Variants in MTFR1L observed in about 807,000 individuals in gnomAD.
MTFR1L encodes the protein mitochondrial fission regulator 1-like.
Under a neutral mutation model 27.9 loss-of-function variants are expected in MTFR1L, and 10 were observed. The ratio of observed to expected loss-of-function variants is 0.36; its 90% CI spans 0.22 to 0.61. The LOEUF (loss-of-function observed/expected upper bound fraction) is 0.61. Among genes scored for constraint, MTFR1L ranks in the 20% least tolerant of loss-of-function variants. MTFR1L has a pLI of 0.73. For synonymous variants in MTFR1L, 151 were observed against 139.4 expected, an observed-to-expected ratio of 1.08 and a Z score of -0.58; for missense variants, 315 against 363.7, an observed-to-expected ratio of 0.87 and a Z score of 1.09.
intron 5 of MTFR1L, among the ~76,000 whole-genome samples, chr1:25,828,554 C>T (rs562464553): frequency 1.3e-5 from 2 of 150,034 alleles, no homozygotes; most frequent in South Asian, 2.1e-4. Context: ...AGTGAGACTC[C>T]GTCTCAAAAA....
intron 3 of MTFR1L, among the ~76,000 whole-genome samples, chr1:25,824,650 G>A (rs1345623482): frequency 6.6e-6 from 1 of 152,174 alleles, no homozygotes; most frequent in East Asian, 1.9e-4. Context: ...GGTCAGGAAT[G>A]GAGTTGGAAG....
Position 25,829,574 on chromosome 1 carries a change from TG to T in MTFR1L, c.518del (p.Cys173PhefsTer70). On this transcript the variant is annotated frameshift_variant, in exon 6 of 7. Coordinates refer to ENST00000374303, the MANE Select transcript of MTFR1L (RefSeq NM_001099625.2). LOFTEE classifies it high-confidence loss of function. ...TTCAAATGTCTCTTCTCCCTTACCT[TG>T]TTTTGGATCCTCATTCCACTCTACA... ...GSSNVSSPLP[C>X]FGSSFHSTTS... The T allele has an allele frequency of 6.2e-7, 1 of 1,614,190 alleles. No homozygotes were observed. The highest frequency in any genetic ancestry group is 8.5e-7 in the Non-Finnish European group (1 of 1,180,020).
rs765615031 is a variant in MTFR1L at position 25,826,303 on chromosome 1, C to A, written c.131C>A (p.Thr44Asn). 8.1e-6 allele frequency: 13 copies of A among 1,613,882 alleles called. No individual in the cohort carries two copies. Among genetic ancestry groups the A allele is most frequent in the African/African-American group, 1.3e-5 (1 of 74,914 alleles). The change falls in exon 4 of 7, where the codon ACC becomes AAC. Residue 44 changes from threonine to asparagine, a missense_variant and splice_region_variant. Coordinates refer to ENST00000374303, the MANE Select transcript of MTFR1L (RefSeq NM_001099625.2). This position sits in a 1 kb window ranked among gnomAD's most constrained non-coding sequence, Gnocchi z 4.1. ...TTGATGACTTTTGCTTCTCCATAGA[C>A]CCTGCCCAACATCTCTGACCTGTGT... ...LKPCARASFE[T>N]LPNISDLCLR... is the part of the protein sequence containing the mutation.
chr1:25,826,276 T>C lies in MTFR1L; in HGVS notation c.130-26T>C. ...ATTGGCTCATCATGGCATCTGTAAA[T>C]GTTGATGACTTTTGCTTCTCCATAG... On this transcript the variant is annotated intron_variant, in intron 3 of 6. Transcript: ENST00000374303. This position sits in a 1 kb window ranked among gnomAD's most constrained non-coding sequence, Gnocchi z 4.1. 2 of 1,600,856 alleles carry C rather than the reference T, an allele frequency of 1.2e-6. No homozygotes were observed. Among genetic ancestry groups the C allele is most frequent in the Non-Finnish European group, 8.6e-7 (1 of 1,168,350 alleles).
At chr1:25,827,355 T>C (rs2048182005) in intron 5 of MTFR1L, among the ~76,000 whole-genome samples, 1 of 151,832 alleles carries the variant, frequency 6.6e-6, no homozygotes, top group African/African-American at 2.4e-5. Context: ...AGGCTGGTCT[T>C]GTATTCCTGA....
In MTFR1L at chr1:25,820,009, G is replaced by C. The variant is rs779591501; in HGVS notation, c.-107G>C. Reference sequence around the variant, plus strand: ...GAAGGAGGGGCCGTGAGGTGAGAGAGTCCGGGAGCCCGAGCTTGAGGTGAG... The same window carrying C: ...GAAGGAGGGGCCGTGAGGTGAGAGACTCCGGGAGCCCGAGCTTGAGGTGAG... On this transcript the variant is annotated 5_prime_UTR_variant, in exon 1 of 7. Coordinates refer to ENST00000374303, the MANE Select transcript of MTFR1L (RefSeq NM_001099625.2). 19 of 351,874 alleles carry C rather than the reference G, an allele frequency of 5.4e-5. No individual in the cohort carries two copies. The highest frequency in any genetic ancestry group is 8.8e-5 in the Non-Finnish European group (16 of 182,232). 21.8% of individuals were successfully genotyped at this position (351,874 alleles called of 1,614,324 possible).
intron 1 of MTFR1L, among the ~76,000 whole-genome samples, chr1:25,821,334 C>T (rs771022414): frequency 2.0e-5 from 3 of 152,208 alleles, no homozygotes; most frequent in African/African-American, 7.2e-5. Flanking sequence ...CACGGACATT[C>T]AGCACAGAGC....
Position 25,826,898 on chromosome 1 carries a change from G to A in MTFR1L, c.451+72G>A. On this transcript the variant is annotated intron_variant, in intron 5 of 6. Transcript: ENST00000374303. This position sits in a 1 kb window ranked among gnomAD's most constrained non-coding sequence, Gnocchi z 4.1. ...CCCCTGGCTCTTGGGCAGGATAGGG[G>A]TAAAGAAAGTGGTAATCCTTGGTTT... The A allele has an allele frequency of 6.6e-7, 1 of 1,516,070 alleles. No homozygotes were observed. Among genetic ancestry groups the A allele is most frequent in the East Asian group, 2.4e-5 (1 of 41,912 alleles). 93.9% of individuals were successfully genotyped at this position (1,516,070 alleles called of 1,614,324 possible). A position where few individuals can be genotyped will look rare whatever the true frequency, so the allele number is the denominator to read the frequency against.
chr1:25,828,352 G>A (rs1390543551), intron 5 of MTFR1L, among the ~76,000 whole-genome samples: 4 of 152,234 alleles, frequency 2.6e-5, no homozygotes, highest in African/African-American at 9.6e-5. Flanking sequence ...GAAGGCTGAG[G>A]TGGGTGGATC....
chr1:25,820,847 G>T (rs2048081108), intron 1 of MTFR1L: 2 of 383,488 alleles, frequency 5.2e-6, no homozygotes, highest in African/African-American at 2.3e-5. Flanking sequence ...AGTTCCTCTC[G>T]CGAGGACTCC....
chr1:25,826,195 C>A lies in MTFR1L; in HGVS notation c.130-107C>A. 1 of 893,072 alleles carries A rather than the reference C, an allele frequency of 1.1e-6. No individual in the cohort carries two copies. The highest frequency in any genetic ancestry group is 1.8e-6 in the Non-Finnish European group (1 of 566,532). 55.3% of individuals were successfully genotyped at this position (893,072 alleles called of 1,614,324 possible). A position where few individuals can be genotyped will look rare whatever the true frequency, so the allele number is the denominator to read the frequency against. On this transcript the variant is annotated intron_variant, in intron 3 of 6. Transcript: ENST00000374303. The surrounding 1 kb of genome is among the most constrained non-coding windows in gnomAD (Gnocchi z 4.1). ...CCTTCTTCTGCCCCCTCTAGGAAGC[C>A]TTCCTGACACCCAGTGCCGGATTAG... is the stretch of plus-strand genomic sequence containing the variant.
Position 25,832,236 on chromosome 1 carries a change from G to A in MTFR1L, c.*210G>A. The A allele has an allele frequency of 2.2e-6, 3 of 1,386,596 alleles. No individual in the cohort carries two copies. The highest frequency in any genetic ancestry group is 3.0e-6 in the Non-Finnish European group (3 of 1,013,352). The allele number at this position is 1,386,596 out of a possible 1,614,324, so 85.9% of individuals were successfully genotyped here. On this transcript the variant is annotated 3_prime_UTR_variant, in exon 7 of 7. Transcript: ENST00000374303. ...AGCTAAGGCTTGTGATTTGACCTGA[G>A]ACATTTGTTTCAGGTAATCGTGTAG...
rs78935973 is a variant in MTFR1L at position 25,828,304 on chromosome 1, C to T, written c.452-1205C>T. On this transcript the variant is annotated intron_variant, in intron 5 of 6. Coordinates refer to ENST00000374303, the MANE Select transcript of MTFR1L (RefSeq NM_001099625.2). Reference sequence around the variant, plus strand: ...GATCTTGGCCTTAAAATACAGTGGTCGGGCACTGTGGCTTACGCCTGTAAT... The same window carrying T: ...GATCTTGGCCTTAAAATACAGTGGTTGGGCACTGTGGCTTACGCCTGTAAT... 8.7e-4 allele frequency among the ~76,000 whole-genome samples: 133 copies of T among 152,278 alleles called. 1 individual carries two copies. The East Asian group carries it at 0.017, about 19-fold the overall frequency.
In MTFR1L at chr1:25,829,500, C is replaced by G; in HGVS notation, c.452-9C>G. 3 of 1,610,776 alleles carry G rather than the reference C, an allele frequency of 1.9e-6. No individual in the cohort carries two copies. The highest frequency in any genetic ancestry group is 2.5e-6 in the Non-Finnish European group (3 of 1,177,936). On this transcript the variant is annotated splice_polypyrimidine_tract_variant and intron_variant, in intron 5 of 6. Transcript: ENST00000374303. ...AATGTCCACCCATGCCTATTGTTTT[C>G]TCTTTCAGCTTCGGCTTCATTAACG... is the stretch of plus-strand genomic sequence containing the variant.
chr1:25,830,338 C>T (rs1190233298), intron 6 of MTFR1L, among the ~76,000 whole-genome samples: 1 of 152,158 alleles, frequency 6.6e-6, no homozygotes, highest in Non-Finnish European at 1.5e-5. Context: ...TGAGACTCAC[C>T]AGTAGTTCCG....
At chr1:25,830,444 C>T (rs373886713) in intron 6 of MTFR1L, among the ~76,000 whole-genome samples, 3 of 152,242 alleles carry the variant, frequency 2.0e-5, no homozygotes, top group African/African-American at 7.2e-5. Context: ...TAGGTTTTTC[C>T]GATGGAGTAT....
intron 1 of MTFR1L, 158 bp from the exon 2 acceptor site, chr1:25,822,861 T>G: frequency 1.9e-6 from 1 of 531,306 alleles, no homozygotes; most frequent in Non-Finnish European, 3.2e-6. Context: ...AGTCTGGACT[T>G]AGAGCTAAGT....
Position 25,826,510 on chromosome 1 carries a change from G to A in MTFR1L, c.239+99G>A. The A allele has an allele frequency of 6.3e-7, 1 of 1,574,848 alleles. No homozygotes were observed. The highest frequency in any genetic ancestry group is 8.7e-7 in the Non-Finnish European group (1 of 1,145,586). On this transcript the variant is annotated intron_variant, in intron 4 of 6. Coordinates refer to ENST00000374303, the MANE Select transcript of MTFR1L (RefSeq NM_001099625.2). This position sits in a 1 kb window ranked among gnomAD's most constrained non-coding sequence, Gnocchi z 4.1. ...GGAATGAGAACTGTGGGCTCAGAGA[G>A]GAGCAGAACCTTACTATACTACTCT...
chr1:25,824,326 A>C (rs868318478), intron 3 of MTFR1L, among the ~76,000 whole-genome samples: 56 of 152,338 alleles, frequency 3.7e-4, no homozygotes, highest in Middle Eastern at 6.8e-3. Flanking sequence ...TACCTGGCCC[A>C]GGTCTCTTGA....
Sources: allele counts gnomAD v4.1 joint callset (sites outside exome capture counted in the v4.1 genomes callset), GRCh38; gene constraint gnomAD v4.1.1; non-coding constraint Gnocchi (gnomAD v3.1); transcripts MANE v1.5; gene names NCBI Gene and HGNC (gene_info 2026-07-23, HGNC 2026-07-21).